Variants in SESN1 observed in about 807,000 individuals in gnomAD.
The protein encoded by SESN1 is sestrin-1.
In SESN1, 30 loss-of-function variants were observed where a neutral mutation model predicts 59.3. The ratio of observed to expected loss-of-function variants is 0.51; its 90% CI spans 0.38 to 0.69. The LOEUF is 0.69. Ranked by LOEUF, SESN1 falls within the 30% of genes least tolerant of loss-of-function variation. The pLI, the probability that SESN1 is intolerant of heterozygous loss-of-function variation, is 0.00. For missense variants in SESN1, 566 were observed against 673.0 expected, an observed-to-expected ratio of 0.84 and a Z score of 1.76; for synonymous variants, 197 against 219.9, an observed-to-expected ratio of 0.90 and a Z score of 0.92.
chr6:109,046,866 G>A (rs1355709395), intron 1 of SESN1, among the ~76,000 whole-genome samples: 22 of 131,336 alleles, frequency 1.7e-4, no homozygotes, highest in African/African-American at 5.6e-4. Flanking sequence ...CGTATGAGAA[G>A]TGAGGAGCCC....
intron 1 of SESN1, among the ~76,000 whole-genome samples, chr6:109,051,264 A>C (rs1328086281): frequency 1.3e-5 from 2 of 152,224 alleles, no homozygotes; most frequent in Admixed American, 1.3e-4. Context: ...GGTGCAATGA[A>C]ATTTCAGAGG....
At chr6:109,073,190 A>G (rs1780968403) in intron 1 of SESN1, among the ~76,000 whole-genome samples, 1 of 152,134 alleles carries the variant, frequency 6.6e-6, no homozygotes, top group African/African-American at 2.4e-5. Flanking sequence ...GAATGCATGT[A>G]CAGAGTTTAA....
chr6:109,036,598 T>A (rs1780251819), intron 1 of SESN1, among the ~76,000 whole-genome samples: 1 of 152,224 alleles, frequency 6.6e-6, no homozygotes, highest in South Asian at 2.1e-4. Flanking sequence ...AAGTAGTTCT[T>A]AATACACTAT....
In SESN1 at chr6:109,090,280, C is replaced by T. The variant is rs556213490; in HGVS notation, c.279+3515G>A. 1.3e-4 allele frequency among the ~76,000 whole-genome samples: 20 copies of T among 152,214 alleles called. 1 individual carries two copies. The South Asian group carries it at 3.7e-3, about 28-fold the overall frequency. ...GTTAATAAAGTACAGTCCCATACTG[C>T]GTAACATTTCAGCTGATGATGGACC... On this transcript the variant is annotated intron_variant, in intron 1 of 9. Transcript: ENST00000436639.
rs183423915 is a variant in SESN1, at chr6:108,985,198, T to G, written c.*2346A>C. On this transcript the variant is annotated 3_prime_UTR_variant, in exon 10 of 10. Coordinates refer to ENST00000436639, the MANE Select transcript of SESN1 (RefSeq NM_014454.3). ...CCAACAAGTTTTACTTATCTACTTA[T>G]CTCCTGGTGGTCTGTATCAAAATCA... 3.3e-5 allele frequency among the ~76,000 whole-genome samples: 5 copies of G among 152,338 alleles called. No individual in the cohort carries two copies. The East Asian group carries it at 9.6e-4, about 29-fold the overall frequency.
chr6:109,036,664 G>A (rs1035725767), intron 1 of SESN1, among the ~76,000 whole-genome samples: 9 of 152,138 alleles, frequency 5.9e-5, no homozygotes, highest in African/African-American at 2.2e-4. Context: ...CACTTCACAA[G>A]TAGTTTCTTT....
In SESN1 at chr6:108,998,512, C is replaced by G. The variant is rs993885592; in HGVS notation, c.972+1G>C. On this transcript the variant is annotated splice_donor_variant, in intron 5 of 9. Coordinates refer to ENST00000436639, the MANE Select transcript of SESN1 (RefSeq NM_014454.3). LOFTEE classifies it high-confidence loss of function. The stretch of plus-strand genomic sequence containing the variant: ...ACAATCTCATGACAAATAATACTTA[C>G]AGAAACATTTTCTGCTGAGTTGACC... 1.2e-6 allele frequency: 2 copies of G among 1,613,506 alleles called. No individual in the cohort carries two copies. Among genetic ancestry groups the G allele is most frequent in the Non-Finnish European group, 1.7e-6 (2 of 1,179,544 alleles).
At chr6:109,079,061 C>A (rs191290313) in intron 1 of SESN1, among the ~76,000 whole-genome samples, 4 of 151,794 alleles carry the variant, frequency 2.6e-5, no homozygotes, top group Non-Finnish European at 4.4e-5. Context: ...ATTTCTTTAT[C>A]GGAATAATTA....
chr6:108,991,830 C>T (rs150335824), intron 7 of SESN1, among the ~76,000 whole-genome samples: 15 of 152,170 alleles, frequency 9.9e-5, no homozygotes, highest in African/African-American at 3.6e-4. Flanking sequence ...CAATTTTAAA[C>T]ATACACCACT....
At chr6:109,064,471 T>C (rs1211180653) in intron 1 of SESN1, among the ~76,000 whole-genome samples, 1 of 149,472 alleles carries the variant, frequency 6.7e-6, no homozygotes, top group African/African-American at 2.5e-5. Flanking sequence ...AGTATGTGCT[T>C]TAGAACAAAA....
chr6:109,069,231 T>A (rs1780887917), intron 1 of SESN1, among the ~76,000 whole-genome samples: 1 of 152,038 alleles, frequency 6.6e-6, no homozygotes. Context: ...TTTTCCATAC[T>A]ATTTTTTGAA....
intron 1 of SESN1, among the ~76,000 whole-genome samples, chr6:109,016,553 G>C (rs1562460787): frequency 6.6e-6 from 1 of 152,090 alleles, no homozygotes; most frequent in Non-Finnish European, 1.5e-5. Flanking sequence ...AGGTTATTAT[G>C]TATTTTAAAA....
chr6:109,056,466 C>G (rs901880451), intron 1 of SESN1, among the ~76,000 whole-genome samples: 10 of 152,300 alleles, frequency 6.6e-5, no homozygotes, highest in African/African-American at 2.4e-4. Flanking sequence ...GAAGATGCAT[C>G]ATTAACTCTA....
intron 1 of SESN1, among the ~76,000 whole-genome samples, chr6:109,070,405 C>T (rs1473308958): frequency 6.6e-6 from 1 of 151,898 alleles, no homozygotes; most frequent in Admixed American, 6.6e-5. Flanking sequence ...ATGTACGCAA[C>T]CTTAGGCTCA....
chr6:108,988,753 T>C lies in SESN1; in HGVS notation c.1425-66A>G, dbSNP rs547944214. ...ATAACCTGTTTTCATCTTACAAAAG[T>C]ATACACATCAATAGTTAATACTGTA... On this transcript the variant is annotated intron_variant, in intron 8 of 9. Transcript: ENST00000436639. 5.1e-5 allele frequency: 66 copies of C among 1,289,584 alleles called. No individual in the cohort carries two copies. The South Asian group carries it at 9.5e-4, about 19-fold the overall frequency. The allele number at this position is 1,289,584 out of a possible 1,614,324, so 79.9% of individuals were successfully genotyped here.
In SESN1 at chr6:109,002,281, C is replaced by T. The variant is rs1188589337; in HGVS notation, c.342G>A (p.Lys114=). 2 of 1,613,076 alleles carry T rather than the reference C, an allele frequency of 1.2e-6. No individual in the cohort carries two copies. Among genetic ancestry groups the T allele is most frequent in the African/African-American group, 2.7e-5 (2 of 74,896 alleles). Residue 114 remains lysine (K), a synonymous_variant, in exon 2 of 10, where the codon AAG becomes AAA. Coordinates refer to ENST00000436639, the MANE Select transcript of SESN1 (RefSeq NM_014454.3). The part of the protein sequence containing the change: ...GQGPSRFIPE[K]EILQVGSEDA... ...TGTACTTTCACAAACAACGTACCTC[C>T]TTTTCTGGGATGAATCTGCTTGGTC...
At chr6:109,075,681 T>C (rs1450279351) in intron 1 of SESN1, among the ~76,000 whole-genome samples, 4 of 152,194 alleles carry the variant, frequency 2.6e-5, no homozygotes, top group East Asian at 1.9e-4. Context: ...CCCTGGCAGA[T>C]ACTGTAATTG....
chr6:109,002,143 A>G (rs1779639201), intron 2 of SESN1, 135 bp downstream of exon 2: 2 of 679,274 alleles, frequency 2.9e-6, no homozygotes, highest in Admixed American at 2.6e-5. Context: ...ATTCACTGCC[A>G]AAGAATGATT....
chr6:108,994,905 G>A (rs1238647701), intron 5 of SESN1, among the ~76,000 whole-genome samples: 1 of 151,856 alleles, frequency 6.6e-6, no homozygotes, highest in Admixed American at 6.6e-5. Flanking sequence ...GGGTTTCACC[G>A]TGTTAGCCAG....
Sources: allele counts gnomAD v4.1 joint callset (sites outside exome capture counted in the v4.1 genomes callset), GRCh38; gene constraint gnomAD v4.1.1; transcripts MANE v1.5; gene names NCBI Gene and HGNC (gene_info 2026-07-23, HGNC 2026-07-21).